Variants in DSTN observed in about 807,000 individuals in gnomAD.
The protein encoded by DSTN is destrin, actin depolymerizing factor.
DSTN carries 10 observed loss-of-function variants against 16.8 expected under a neutral mutation model. That is an observed-to-expected ratio of 0.60 (90% CI 0.37 to 1.01). The LOEUF (loss-of-function observed/expected upper bound fraction) is 1.01. Among genes scored for constraint, DSTN ranks in the 50% least tolerant of loss-of-function variants. The probability of loss-of-function intolerance (pLI) is 0.01; values close to 1 mark genes in which losing one functional copy is unlikely to be tolerated. For synonymous variants in DSTN, 57 were observed against 58.9 expected (o/e 0.97, Z 0.14); for missense variants, 141 against 196.7 (o/e 0.72, Z 1.69).
chr20:17,596,625 T>G (rs2035529540), intron 1 of DSTN: 1 of 985,058 alleles, frequency 1.0e-6, no homozygotes, highest in African/African-American at 1.8e-5. Flanking sequence ...TGTAATTGTG[T>G]CAAAATTGGT....
chr20:17,606,077 C>CA (rs1213360390), intron 3 of DSTN, among the ~76,000 whole-genome samples: 1 of 151,296 alleles, frequency 6.6e-6, no homozygotes, highest in Non-Finnish European at 1.5e-5. Flanking sequence ...CATTGCACTC[C>CA]AGCCAGGGCA....
At chr20:17,601,254 T>C (rs2035583879) in intron 2 of DSTN, among the ~76,000 whole-genome samples, 1 of 146,162 alleles carries the variant, frequency 6.8e-6, no homozygotes, top group Admixed American at 6.9e-5. Flanking sequence ...GTTATGTGAC[T>C]CTCCGTTTTT....
intron 1 of DSTN, among the ~76,000 whole-genome samples, chr20:17,585,935 G>A (rs1034522993): frequency 5.9e-5 from 9 of 152,016 alleles, no homozygotes; most frequent in African/African-American, 1.7e-4. Flanking sequence ...CCAGTGGAGA[G>A]GTATATTTTA....
At chr20:17,596,458 T>C (rs757792378) in intron 1 of DSTN, among the ~76,000 whole-genome samples, 3 of 152,332 alleles carry the variant, frequency 2.0e-5, no homozygotes, top group Non-Finnish European at 4.4e-5. Context: ...TCTGTTCATA[T>C]ATTGCAGTCT....
chr20:17,584,619 T>C (rs1356915464), intron 1 of DSTN, among the ~76,000 whole-genome samples: 4 of 138,028 alleles, frequency 2.9e-5, no homozygotes, highest in Non-Finnish European at 6.1e-5. Flanking sequence ...GCCATTGCAC[T>C]CCAGCCTGGG....
At chr20:17,594,674 A>G (rs944439055) in intron 1 of DSTN, among the ~76,000 whole-genome samples, 6 of 152,206 alleles carry the variant, frequency 3.9e-5, no homozygotes, top group Admixed American at 1.3e-4. Context: ...AAACAGTATG[A>G]TGTATACATA....
intron 1 of DSTN, among the ~76,000 whole-genome samples, chr20:17,597,354 A>G (rs1317135254): frequency 6.6e-6 from 1 of 152,194 alleles, no homozygotes; most frequent in Non-Finnish European, 1.5e-5. Context: ...GAGATCTTTA[A>G]TGAATGAGAT....
At chr20:17,603,334 C>T (rs1353495572) in intron 2 of DSTN, among the ~76,000 whole-genome samples, 1 of 152,136 alleles carries the variant, frequency 6.6e-6, no homozygotes, top group Non-Finnish European at 1.5e-5. Flanking sequence ...TTGGAAACTA[C>T]AGCTTTAAGC....
intron 1 of DSTN, among the ~76,000 whole-genome samples, chr20:17,571,024 A>T (rs551981347): frequency 3.9e-5 from 6 of 152,276 alleles, no homozygotes; most frequent in African/African-American, 1.4e-4. Flanking sequence ...AGCTTTAAAA[A>T]CCATTAAAAT....
chr20:17,606,786 C>G (rs1450180441), intron 3 of DSTN, among the ~76,000 whole-genome samples: 1 of 152,196 alleles, frequency 6.6e-6, no homozygotes, highest in Non-Finnish European at 1.5e-5. Context: ...ATTTTGTATG[C>G]TATACCTATA....
At chr20:17,589,186 T>C (rs2035443962) in intron 1 of DSTN, among the ~76,000 whole-genome samples, 1 of 152,114 alleles carries the variant, frequency 6.6e-6, no homozygotes, top group South Asian at 2.1e-4. Context: ...TAGGGAGATG[T>C]ATATATTCAA....
intron 1 of DSTN, among the ~76,000 whole-genome samples, chr20:17,579,376 A>C (rs1386631490): frequency 2.0e-5 from 3 of 152,138 alleles, no homozygotes; most frequent in Non-Finnish European, 4.4e-5. Context: ...CGAGTTCGAG[A>C]CCGGCCTGAG....
intron 1 of DSTN, 93 bp downstream of exon 1, chr20:17,570,304 T>A (rs2035182825): frequency 2.2e-6 from 3 of 1,362,142 alleles, no homozygotes. Context: ...GGGTGAGCCG[T>A]GCCTCAGCCC....
intron 1 of DSTN, among the ~76,000 whole-genome samples, chr20:17,581,440 G>A (rs11907064): frequency 1.6e-3 from 242 of 152,292 alleles, no homozygotes; most frequent in African/African-American, 5.6e-3. Flanking sequence ...CCAAGTTCAC[G>A]CCATTGCCCT....
intron 1 of DSTN, chr20:17,599,528 A>G (rs560851296): frequency 6.6e-6 from 1 of 152,392 alleles, no homozygotes; most frequent in Non-Finnish European, 1.5e-5. Flanking sequence ...TATGCCTCAC[A>G]TTGGCCTAAG....
Position 17,570,130 on chromosome 20 carries a change from G to C in DSTN, c.-79G>C, listed in dbSNP as rs533796082. On this transcript the variant is annotated 5_prime_UTR_variant, in exon 1 of 4. Coordinates refer to ENST00000246069, the MANE Select transcript of DSTN (RefSeq NM_006870.4). ...GCTCAGCGCTGGGTCTCTCGGTCCC[G>C]CAGCCGTGAGGAGGACGGTCTGCAT... The C allele has an allele frequency of 7.1e-5, 107 of 1,508,626 alleles. No individual in the cohort carries two copies. The highest frequency in any genetic ancestry group is 8.1e-5 in the Non-Finnish European group (92 of 1,133,300). 93.5% of individuals were successfully genotyped at this position (1,508,626 alleles called of 1,614,324 possible). A position where few individuals can be genotyped will look rare whatever the true frequency, so the allele number is the denominator to read the frequency against.
At chr20:17,598,895 T>C (rs1165338205) in intron 1 of DSTN, among the ~76,000 whole-genome samples, 2 of 152,138 alleles carry the variant, frequency 1.3e-5, no homozygotes, top group Non-Finnish European at 2.9e-5. Context: ...CTACCCAGCC[T>C]AAAGATACCA....
chr20:17,594,008 G>T (rs2035498736), intron 1 of DSTN, among the ~76,000 whole-genome samples: 1 of 152,100 alleles, frequency 6.6e-6, no homozygotes. Context: ...TTGAGCCCAG[G>T]AGTGCGAGGC....
At chr20:17,580,104 T>G (rs1191398006) in intron 1 of DSTN, among the ~76,000 whole-genome samples, 1 of 152,220 alleles carries the variant, frequency 6.6e-6, no homozygotes, top group Non-Finnish European at 1.5e-5. Flanking sequence ...AGTTTTATTC[T>G]TTCTTTAATA....
Sources: allele counts gnomAD v4.1 joint callset (sites outside exome capture counted in the v4.1 genomes callset), GRCh38; gene constraint gnomAD v4.1.1; transcripts MANE v1.5; gene names NCBI Gene and HGNC (gene_info 2026-07-23, HGNC 2026-07-21).